The following CST5 variants were observed in gnomAD, a reference collection of about 807,000 sequenced individuals.
CST5 encodes the protein cystatin D.
A neutral mutation model predicts 11.5 loss-of-function variants in CST5; 13 were observed. That is an observed-to-expected ratio of 1.13 (90% CI 0.73 to 1.79). The LOEUF is 1.79. Among genes scored for constraint, CST5 ranks in the 40% most tolerant of loss-of-function variants. CST5 has a pLI of 0.00. For synonymous variants in CST5, 81 were observed against 67.6 expected (o/e 1.20, Z -0.97); for missense variants, 219 against 174.5 (o/e 1.25, Z -1.44).
At position 23,876,193 on chromosome 20, in the gene CST5, C is replaced by T. The variant is rs1985957724; in HGVS notation, c.424G>A (p.Val142Ile). ...ISILNYKCRK[V>I] ...GACAGGCCTTGCACAGACCCCTAGA[C>T]TTTCCGGCACTTGTAGTTCAGAATG... The change falls in exon 3 of 3, where the codon GTC becomes ATC. Residue 142 changes from valine to isoleucine, a missense_variant. Physicochemically the swap from Val to Ile is conservative, Grantham distance 29. Transcript: ENST00000304710. The T allele has an allele frequency of 7.4e-6, 12 of 1,613,420 alleles. No individual in the cohort carries two copies. Among genetic ancestry groups the T allele is most frequent in the Non-Finnish European group, 1.0e-5 (12 of 1,179,366 alleles).
chr20:23,877,095 A>C (rs1444526969), intron 2 of CST5, among the ~76,000 whole-genome samples: 1 of 152,158 alleles, frequency 6.6e-6, no homozygotes, highest in Non-Finnish European at 1.5e-5. Context: ...ACCCTCACCC[A>C]AACGAATATA....
Position 23,876,305 on chromosome 20 carries a change from G to A in CST5, c.346-34C>T, listed in dbSNP as rs202236710. On this transcript the variant is annotated intron_variant, in intron 2 of 2. Transcript: ENST00000304710. The stretch of plus-strand genomic sequence containing the variant: ...AGAAAGAGATGGAGAAAATGACTGT[G>A]GGTTACAGTTAAAGCCAAAGATGCC... 1.9e-4 allele frequency: 297 copies of A among 1,555,778 alleles called. 1 individual carries two copies. Among genetic ancestry groups the A allele is most frequent in the Non-Finnish European group, 2.4e-4 (273 of 1,127,992 alleles).
intron 1 of CST5, among the ~76,000 whole-genome samples, chr20:23,878,329 G>C (rs1489173789): frequency 6.6e-6 from 1 of 152,126 alleles, no homozygotes; most frequent in Non-Finnish European, 1.5e-5. Context: ...CATGTCTTAG[G>C]GTTGCAACTT....
chr20:23,877,559 C>T lies in CST5; in HGVS notation c.291G>A (p.Lys97=). 6.2e-7 allele frequency: 1 copy of T among 1,614,170 alleles called. No individual in the cohort carries two copies. Among genetic ancestry groups the T allele is most frequent in the Non-Finnish European group, 8.5e-7 (1 of 1,180,024 alleles). Residue 97 remains lysine, a synonymous_variant, in exon 2 of 3, where the codon AAG becomes AAA. Coordinates refer to ENST00000304710, the MANE Select transcript of CST5 (RefSeq NM_001900.5). ...GACAGTTGTCCAAGTTGGGCTGGGA[C>T]TTGGTGCATGTGGTTCGACCGAACT... is the stretch of plus-strand genomic sequence containing the variant. ...NVKFGRTTCT[K]SQPNLDNCPF...
At chr20:23,878,729 G>C (rs762035136) in intron 1 of CST5, among the ~76,000 whole-genome samples, 1 of 152,202 alleles carries the variant, frequency 6.6e-6, no homozygotes, top group East Asian at 1.9e-4. Context: ...AGCTCTAAAG[G>C]CTGGCAGGCC....
At position 23,877,634 on chromosome 20, in the gene CST5, A is replaced by G; in HGVS notation, c.232-16T>C. ...CACCCACGATCTACACGCGTGGAAG[A>G]GCAGGAAGCAGGGGCAGCATGCTGT... On this transcript the variant is annotated splice_polypyrimidine_tract_variant and intron_variant, in intron 1 of 2. Transcript: ENST00000304710. 6.3e-7 allele frequency: 1 copy of G among 1,587,270 alleles called. No homozygotes were observed. The highest frequency in any genetic ancestry group is 8.6e-7 in the Non-Finnish European group (1 of 1,158,376).
chr20:23,876,868 G>T (rs556670059), intron 2 of CST5, among the ~76,000 whole-genome samples: 1 of 152,222 alleles, frequency 6.6e-6, no homozygotes, highest in Admixed American at 6.5e-5. Context: ...CTGCAGGCAG[G>T]TGCCTGAGGC....
At chr20:23,877,654 T>A (rs770830930) in intron 1 of CST5, 36 bp from the exon 2 acceptor site, 6 of 1,546,434 alleles carry the variant, frequency 3.9e-6, no homozygotes, top group Non-Finnish European at 5.3e-6. Flanking sequence ...AGGGGCAGCA[T>A]GCTGTCAGTT....
chr20:23,879,015 GC>G (rs1986022959), intron 1 of CST5, among the ~76,000 whole-genome samples: 1 of 152,228 alleles, frequency 6.6e-6, no homozygotes, highest in African/African-American at 2.4e-5. Context: ...AACGGGCTGT[GC>G]CCAGGGGCGT....
In CST5 at chr20:23,879,325, A is replaced by G. The variant is rs1490650610; in HGVS notation, c.231+121T>C. On this transcript the variant is annotated intron_variant, in intron 1 of 2. Transcript: ENST00000304710. ...TAGGGCATGAAGACCATCAGCAGAC[A>G]GTCAGAGAAAGCTGAATGAGTCTGC... The G allele has an allele frequency of 9.0e-6, 7 of 776,364 alleles. No homozygotes were observed. In the East Asian group the frequency reaches 1.5e-4, roughly 16 times the overall value. 48.1% of individuals were successfully genotyped at this position (776,364 alleles called of 1,614,324 possible). A position where few individuals can be genotyped will look rare whatever the true frequency, so the allele number is the denominator to read the frequency against.
At chr20:23,877,482 C>A (rs751942346) in intron 2 of CST5, 23 bp downstream of exon 2, 127 of 1,587,432 alleles carry the variant, frequency 8.0e-5, no homozygotes, top group Non-Finnish European at 1.1e-4. Flanking sequence ...ACTTGATGCC[C>A]CTGACCCACA....
At chr20:23,878,740 A>C (rs1462727373) in intron 1 of CST5, among the ~76,000 whole-genome samples, 1 of 152,220 alleles carries the variant, frequency 6.6e-6, no homozygotes, top group African/African-American at 2.4e-5. Context: ...CTGGCAGGCC[A>C]TATAGCCCTG....
intron 2 of CST5, among the ~76,000 whole-genome samples, chr20:23,876,503 C>T (rs1382746223): frequency 6.6e-6 from 1 of 152,206 alleles, no homozygotes; most frequent in Non-Finnish European, 1.5e-5. Context: ...TCACCCCAGC[C>T]TGCAGGATTC....
chr20:23,878,851 C>G (rs1397624232), intron 1 of CST5, among the ~76,000 whole-genome samples: 1 of 152,250 alleles, frequency 6.6e-6, no homozygotes. Flanking sequence ...ACCTCCTTCA[C>G]TCTGCTGGGT....
rs1240511295 is a variant in CST5 at position 23,876,174 on chromosome 20, C to T, written c.*14G>A. 2 of 1,604,718 alleles carry T rather than the reference C, an allele frequency of 1.2e-6. No homozygotes were observed. Among genetic ancestry groups the T allele is most frequent in the South Asian group, 2.2e-5 (2 of 90,814 alleles). ...AGTAGGAGGTGGTCAGTGTGACAGG[C>T]CTTGCACAGACCCCTAGACTTTCCG... On this transcript the variant is annotated 3_prime_UTR_variant, in exon 3 of 3. Transcript: ENST00000304710.
At chr20:23,878,094 C>G (rs1568569723) in intron 1 of CST5, among the ~76,000 whole-genome samples, 1 of 152,188 alleles carries the variant, frequency 6.6e-6, no homozygotes, top group Non-Finnish European at 1.5e-5. Context: ...CCTAGGAAGG[C>G]TGCCACCTGA....
chr20:23,877,675 G>A (rs771363043), intron 1 of CST5, 57 bp from the exon 2 acceptor site: 68 of 1,386,574 alleles, frequency 4.9e-5, no homozygotes, highest in Middle Eastern at 1.9e-4. Flanking sequence ...TCATGCACAC[G>A]CAGGCACTTC....
intron 2 of CST5, among the ~76,000 whole-genome samples, chr20:23,876,854 G>A (rs1241963645): frequency 6.6e-6 from 1 of 152,152 alleles, no homozygotes; most frequent in East Asian, 1.9e-4. Context: ...CAGAGTGGCT[G>A]TGGCTGCAGG....
At chr20:23,878,485 A>G (rs529994750) in intron 1 of CST5, among the ~76,000 whole-genome samples, 1 of 152,242 alleles carries the variant, frequency 6.6e-6, no homozygotes, top group South Asian at 2.1e-4. Context: ...GTAGAACCAC[A>G]TGGAAGTCCT....
Sources: allele counts gnomAD v4.1 joint callset (sites outside exome capture counted in the v4.1 genomes callset), GRCh38; gene constraint gnomAD v4.1.1; transcripts MANE v1.5; gene names NCBI Gene and HGNC (gene_info 2026-07-23, HGNC 2026-07-21).